Variants in TVP23B observed in about 807,000 individuals in gnomAD.
The protein encoded by TVP23B is trans-golgi network vesicle protein 23 homolog B.
TVP23B carries 10 observed loss-of-function variants against 30.6 expected under a neutral mutation model. That is an observed-to-expected ratio of 0.33 (90% CI 0.20 to 0.55). TVP23B has a LOEUF of 0.55. Ranked by LOEUF, TVP23B falls within the 20% of genes least tolerant of loss-of-function variation. TVP23B has a pLI of 0.91. For missense variants in TVP23B, 153 were observed against 243.2 expected (o/e 0.63, Z 2.47); for synonymous variants, 67 against 83.1 (o/e 0.81, Z 1.06).
At chr17:18,792,220 C>T (rs538547844) in intron 3 of TVP23B, among the ~76,000 whole-genome samples, 1 of 151,988 alleles carries the variant, frequency 6.6e-6, no homozygotes, top group Non-Finnish European at 1.5e-5. Context: ...ATTTTTAGTA[C>T]AGACGGGGTT....
intron 1 of TVP23B, among the ~76,000 whole-genome samples, chr17:18,782,862 G>GCGA (rs2035829474): frequency 6.6e-6 from 1 of 151,330 alleles, no homozygotes; most frequent in African/African-American, 2.4e-5. Context: ...TGTTTTTTCA[G>GCGA]CAAGGTCTTT....
intron 5 of TVP23B, among the ~76,000 whole-genome samples, chr17:18,802,668 T>TTG (rs1438938067): frequency 3.9e-5 from 6 of 152,328 alleles, no homozygotes; most frequent in African/African-American, 1.4e-4. Context: ...AAAATGCTGT[T>TTG]TGCTGTTTGT....
intron 1 of TVP23B, among the ~76,000 whole-genome samples, chr17:18,783,196 C>T (rs1161500777): frequency 6.7e-6 from 1 of 149,756 alleles, no homozygotes; most frequent in African/African-American, 2.5e-5. Context: ...ACCTCTGCCT[C>T]CCGGCTTCAA....
chr17:18,798,081 T>C (rs2036102796), intron 4 of TVP23B, among the ~76,000 whole-genome samples: 1 of 152,238 alleles, frequency 6.6e-6, no homozygotes, highest in Non-Finnish European at 1.5e-5. Context: ...GGAGTGCAGC[T>C]GGATAGAATA....
intron 3 of TVP23B, among the ~76,000 whole-genome samples, chr17:18,794,539 T>C (rs1363542665): frequency 6.6e-6 from 1 of 152,094 alleles, no homozygotes; most frequent in East Asian, 1.9e-4. Flanking sequence ...GGGAAAATAA[T>C]AGACTAAAGC....
At chr17:18,797,079 C>T in intron 3 of TVP23B, 1 of 167,908 alleles carries the variant, frequency 6.0e-6, no homozygotes, top group South Asian at 1.4e-4. Flanking sequence ...AGTAGATGCT[C>T]AGTAAATATT....
intron 1 of TVP23B, among the ~76,000 whole-genome samples, chr17:18,788,834 G>A (rs1193293515): frequency 6.6e-6 from 1 of 152,018 alleles, no homozygotes; most frequent in Non-Finnish European, 1.5e-5. Context: ...AGAAGAAAGT[G>A]TAAATACAGG....
In TVP23B at chr17:18,797,601, T is replaced by C. The variant is rs768812296; in HGVS notation, c.263T>C (p.Val88Ala). 2 of 1,609,922 alleles carry C rather than the reference T, an allele frequency of 1.2e-6. No individual in the cohort carries two copies. The highest frequency in any genetic ancestry group is 1.7e-6 in the Non-Finnish European group (2 of 1,178,650). ...AVKNVTGRLMVGLRWWNHIDE... is the reference protein window; with the variant it reads ...AVKNVTGRLMAGLRWWNHIDE... ...CAGAATGTCACAGGTAGACTAATGG[T>C]TGGCCTACGTTGGTGGAATCACATT... Residue 88 changes from valine to alanine, a missense_variant, in exon 4 of 7, where the codon GTT (valine) becomes GCT (alanine). Physicochemically the swap from Val to Ala is moderately conservative, Grantham distance 64. Coordinates refer to ENST00000307767, the MANE Select transcript of TVP23B (RefSeq NM_016078.6).
intron 1 of TVP23B, among the ~76,000 whole-genome samples, chr17:18,784,575 CG>C (rs1442619100): frequency 6.6e-6 from 1 of 151,988 alleles, no homozygotes; most frequent in Admixed American, 6.6e-5. Context: ...CGCTTGAACC[CG>C]GGAGGTGGAG....
intron 5 of TVP23B, among the ~76,000 whole-genome samples, chr17:18,801,551 C>A (rs1274339063): frequency 3.9e-5 from 6 of 152,082 alleles, no homozygotes; most frequent in Admixed American, 3.9e-4. Flanking sequence ...GGAGAACTTG[C>A]CAGGCTCTTG....
chr17:18,787,706 A>G (rs953903132), intron 1 of TVP23B, among the ~76,000 whole-genome samples: 1 of 152,176 alleles, frequency 6.6e-6, no homozygotes, highest in Non-Finnish European at 1.5e-5. Flanking sequence ...CTTAGAGACC[A>G]TGTAGTAACA....
At chr17:18,782,729 T>C (rs978551326) in intron 1 of TVP23B, among the ~76,000 whole-genome samples, 4 of 152,090 alleles carry the variant, frequency 2.6e-5, no homozygotes, top group Admixed American at 2.0e-4. Flanking sequence ...AACTTCCTGA[T>C]GTTGCCATGG....
At chr17:18,804,771 G>C (rs1311659504) in intron 6 of TVP23B, among the ~76,000 whole-genome samples, 3 of 151,986 alleles carry the variant, frequency 2.0e-5, no homozygotes, top group African/African-American at 7.2e-5. Flanking sequence ...TGTGTTTTCA[G>C]TAGAGATGGG....
At chr17:18,785,445 A>G (rs1309612043) in intron 1 of TVP23B, among the ~76,000 whole-genome samples, 1 of 147,830 alleles carries the variant, frequency 6.8e-6, no homozygotes, top group Non-Finnish European at 1.5e-5. Flanking sequence ...CTTGGTAGGC[A>G]CTCAGTATTT....
chr17:18,805,604 C>T lies in TVP23B; in HGVS notation c.*37C>T. The stretch of plus-strand genomic sequence containing the variant: ...TTATGTGCTTTGTTACATTGGGGAA[C>T]AACTGAAGAGATTCTTGACTCAACC... On this transcript the variant is annotated 3_prime_UTR_variant, in exon 7 of 7. Coordinates refer to ENST00000307767, the MANE Select transcript of TVP23B (RefSeq NM_016078.6). 2 of 1,593,564 alleles carry T rather than the reference C, an allele frequency of 1.3e-6. No homozygotes were observed. Among genetic ancestry groups the T allele is most frequent in the South Asian group, 2.3e-5 (2 of 87,198 alleles).
intron 1 of TVP23B, among the ~76,000 whole-genome samples, chr17:18,784,423 G>T (rs11867206): frequency 0.45 from 67,602 of 151,368 alleles, 13,871 homozygotes; most frequent in Non-Finnish European, 0.48. Context: ...AGGATGGGTG[G>T]ATCATGAGGT....
At chr17:18,785,154 A>T (rs2035882192) in intron 1 of TVP23B, among the ~76,000 whole-genome samples, 1 of 151,966 alleles carries the variant, frequency 6.6e-6, no homozygotes, top group Admixed American at 6.6e-5. Context: ...CCAGATTTTT[A>T]CTACAGTAGC....
At chr17:18,803,414 T>G (rs867192286) in intron 5 of TVP23B, among the ~76,000 whole-genome samples, 14 of 152,200 alleles carry the variant, frequency 9.2e-5, no homozygotes, top group African/African-American at 3.4e-4. Flanking sequence ...TGTATTAGAG[T>G]CTTTAACCTT....
At chr17:18,791,109 C>T in intron 3 of TVP23B, 69 bp downstream of exon 3, 1 of 1,418,998 alleles carries the variant, frequency 7.0e-7, no homozygotes, top group Non-Finnish European at 9.3e-7. Flanking sequence ...TATGAGTTAG[C>T]ATTTTGCATT....
Sources: allele counts gnomAD v4.1 joint callset (sites outside exome capture counted in the v4.1 genomes callset), GRCh38; gene constraint gnomAD v4.1.1; transcripts MANE v1.5; gene names NCBI Gene and HGNC (gene_info 2026-07-23, HGNC 2026-07-21).